SPTB: variants seen among roughly 807,000 people sequenced by gnomAD.
SPTB encodes spectrin beta, erythrocytic, also known as spectrin beta chain, erythrocytic.
Under a neutral mutation model 256.2 loss-of-function variants are expected in SPTB, and 45 were observed. That is an observed-to-expected ratio of 0.18 (90% CI 0.14 to 0.23). The LOEUF (loss-of-function observed/expected upper bound fraction) is 0.23, where lower values mean the gene tolerates loss of function less well. SPTB is among the 10% of genes least tolerant of loss of function. SPTB has a pLI of 1.00. For synonymous variants in SPTB, 1,231 were observed against 1,243.1 expected, an observed-to-expected ratio of 0.99 and a Z score of 0.21; for missense variants, 2,715 against 3,040.4, an observed-to-expected ratio of 0.89 and a Z score of 2.52.
chr14:64,749,969 G>A lies in SPTB; in HGVS notation c.6776+12C>T, dbSNP rs570507415. On this transcript the variant is annotated intron_variant, in intron 34 of 35. Transcript: ENST00000644917. The surrounding 1 kb of genome is among the most constrained non-coding windows in gnomAD (Gnocchi z 4.7). ...CATCAACCCGAGCTTTCAAAGGCCA[G>A]GAAGGCCTCACCTCAGCTTAAAGAC... 13 of 1,614,206 alleles carry A rather than the reference G, an allele frequency of 8.1e-6. No individual in the cohort carries two copies. The East Asian group carries it at 2.2e-4, about 28-fold the overall frequency.
intron 3 of SPTB, among the ~76,000 whole-genome samples, chr14:64,804,358 C>G (rs2082943483): frequency 6.6e-6 from 1 of 152,214 alleles, no homozygotes; most frequent in Non-Finnish European, 1.5e-5. Flanking sequence ...CTCAGAATAA[C>G]TTCATCAGGT....
intron 2 of SPTB, among the ~76,000 whole-genome samples, chr14:64,811,171 A>C (rs1358300937): frequency 6.6e-6 from 1 of 152,212 alleles, no homozygotes; most frequent in Admixed American, 6.5e-5. Context: ...AATGAGCAAA[A>C]ATATATCTAA....
rs761363915 is a variant in SPTB at position 64,786,916 on chromosome 14, C to T, written c.3049G>A (p.Glu1017Lys). ...TGCGAGTCCATCAGCTGCTGGGACT[C>T]ACGCTCCAGGGCATCCACACGGGCC... is the stretch of plus-strand genomic sequence containing the variant. Reference protein sequence around the residue: ...IQARVDALERESQQLMDSHPE... With the variant: ...IQARVDALERKSQQLMDSHPE... Residue 1017 changes from glutamate (E) to lysine (K), a missense_variant, in exon 16 of 36, where the codon GAG (glutamate) becomes AAG (lysine). Physicochemically the swap from Glu to Lys is moderately conservative, Grantham distance 56. This residue lies in a region of SPTB where 2,239 missense variants were observed against 2,384.4 expected (regional missense o/e 0.94). Transcript: ENST00000644917. This position sits in a 1 kb window ranked among gnomAD's most constrained non-coding sequence, Gnocchi z 5.6. 2 of 1,613,276 alleles carry T rather than the reference C, an allele frequency of 1.2e-6. No individual in the cohort carries two copies. The highest frequency in any genetic ancestry group is 1.7e-6 in the Non-Finnish European group (2 of 1,180,030).
At chr14:64,878,079 C>T (rs1227140191) in intron 1 of SPTB, among the ~76,000 whole-genome samples, 2 of 152,194 alleles carry the variant, frequency 1.3e-5, no homozygotes, top group Non-Finnish European at 2.9e-5. Flanking sequence ...TCCCAGAACT[C>T]AAGATCAATA....
chr14:64,763,636 A>G (rs1184950023), intron 32 of SPTB: 1 of 478,736 alleles, frequency 2.1e-6, no homozygotes, highest in East Asian at 5.6e-5. Flanking sequence ...TTTATCTCAA[A>G]TCACGCAGGA....
rs1481992380 is a variant in SPTB at position 64,749,932 on chromosome 14, G to A, written c.6776+49C>T. On this transcript the variant is annotated intron_variant, in intron 34 of 35. Coordinates refer to ENST00000644917, the MANE Select transcript of SPTB (RefSeq NM_001355436.2). The surrounding 1 kb of genome is among the most constrained non-coding windows in gnomAD (Gnocchi z 4.7). ...AGAGGGCCTCTGCCCTGCCACTAAT[G>A]CCAAATCAAGCCATCAACCCGAGCT... 22 of 1,612,674 alleles carry A rather than the reference G, an allele frequency of 1.4e-5. No individual in the cohort carries two copies. Among genetic ancestry groups the A allele is most frequent in the East Asian group, 2.2e-5 (1 of 44,894 alleles).
At chr14:64,828,154 C>T (rs891351159) in intron 1 of SPTB, among the ~76,000 whole-genome samples, 2 of 152,170 alleles carry the variant, frequency 1.3e-5, no homozygotes, top group Non-Finnish European at 1.5e-5. Flanking sequence ...TCATTCTGGT[C>T]GACTGCTGTT....
intron 1 of SPTB, among the ~76,000 whole-genome samples, 153 bp downstream of exon 1, chr14:64,879,639 C>G (rs1405758413): frequency 6.6e-6 from 1 of 152,148 alleles, no homozygotes; most frequent in Non-Finnish European, 1.5e-5. Flanking sequence ...CCACCCCACG[C>G]CCGACAACCG....
chr14:64,771,985 A>G (rs2139499699), intron 26 of SPTB, among the ~76,000 whole-genome samples: 1 of 152,232 alleles, frequency 6.6e-6, no homozygotes, highest in African/African-American at 2.4e-5. Context: ...GCTCTGGGGC[A>G]CCCTACGGAT....
rs1002798147 is a variant in SPTB at position 64,841,655 on chromosome 14, T to C, written c.-51-18510A>G. ...CAGACATGGAGAAGATAGGAAAGCA[T>C]TGTGGGTAACGTTCCCAGGACAGAC... On this transcript the variant is annotated intron_variant, in intron 1 of 35. Coordinates refer to ENST00000644917, the MANE Select transcript of SPTB (RefSeq NM_001355436.2). This position sits in a 1 kb window ranked among gnomAD's most constrained non-coding sequence, Gnocchi z 4.6. Among the ~76,000 whole-genome samples, 6 of 152,038 alleles carry C rather than the reference T, an allele frequency of 3.9e-5. No homozygotes were observed. The highest frequency in any genetic ancestry group is 1.9e-4 in the East Asian group (1 of 5,202).
At chr14:64,776,895 T>C (rs1348089358) in intron 22 of SPTB, among the ~76,000 whole-genome samples, 1 of 152,168 alleles carries the variant, frequency 6.6e-6, no homozygotes, top group African/African-American at 2.4e-5. Flanking sequence ...ATAGGGACAA[T>C]ATAGAAACAA....
In SPTB at chr14:64,824,100, C is replaced by T. The variant is rs1050424750; in HGVS notation, c.-51-955G>A. 1.3e-5 allele frequency among the ~76,000 whole-genome samples: 2 copies of T among 152,172 alleles called. No individual in the cohort carries two copies. Among genetic ancestry groups the T allele is most frequent in the African/African-American group, 4.8e-5 (2 of 41,436 alleles). ...GGCAAGTAAGACAGGAAAGTCATGT[C>T]CTCACAGAGCTTGGAATCTGGTGGC... On this transcript the variant is annotated intron_variant, in intron 1 of 35. Coordinates refer to ENST00000644917, the MANE Select transcript of SPTB (RefSeq NM_001355436.2). The surrounding 1 kb of genome is among the most constrained non-coding windows in gnomAD (Gnocchi z 5.7).
At chr14:64,781,996 T>C (rs1223902305) in intron 20 of SPTB, among the ~76,000 whole-genome samples, 1 of 152,202 alleles carries the variant, frequency 6.6e-6, no homozygotes, top group South Asian at 2.1e-4. Context: ...TTCTCACTTA[T>C]AAGTGGGAGC....
At chr14:64,765,838 G>T (rs566427804) in intron 32 of SPTB, among the ~76,000 whole-genome samples, 2 of 146,638 alleles carry the variant, frequency 1.4e-5, no homozygotes, top group South Asian at 4.4e-4. Flanking sequence ...GTGTGTGTGG[G>T]GGTGTGGTGT....
intron 10 of SPTB, among the ~76,000 whole-genome samples, 168 bp downstream of exon 10, chr14:64,797,561 T>TCTGA (rs2082799536): frequency 1.5e-5 from 2 of 135,004 alleles, no homozygotes; most frequent in African/African-American, 5.7e-5. Context: ...GGGAGTAGAG[T>TCTGA]CTGACCCCTC....
chr14:64,750,933 TATC>T lies in SPTB; in HGVS notation c.6603-782_6603-780del, dbSNP rs1205398420. On this transcript the variant is annotated intron_variant, in intron 33 of 35. Transcript: ENST00000644917. ...TATAAAATATGTATATTACATTATA[TATC>T]ATATACTATATAATACATATTTTAT... is the stretch of plus-strand genomic sequence containing the variant. Among the ~76,000 whole-genome samples the T allele has an allele frequency of 5.4e-3, 703 of 129,966 alleles. 5 individuals are homozygous for T. The highest frequency in any genetic ancestry group is 0.022 in the African/African-American group (672 of 31,160). The allele number at this position is 129,966 out of a possible 152,430, so 85.3% of individuals were successfully genotyped here.
At chr14:64,851,405 C>A (rs1280235975) in intron 1 of SPTB, among the ~76,000 whole-genome samples, 4 of 152,048 alleles carry the variant, frequency 2.6e-5, no homozygotes, top group Non-Finnish European at 5.9e-5. Flanking sequence ...ATGGAAAATA[C>A]CCAGAACAAT....
intron 2 of SPTB, among the ~76,000 whole-genome samples, chr14:64,813,387 G>C (rs796668440): frequency 6.6e-6 from 1 of 152,192 alleles, no homozygotes; most frequent in African/African-American, 2.4e-5. Context: ...CATGGACCAT[G>C]AGCCTTCTGA....
chr14:64,825,452 C>T lies in SPTB; in HGVS notation c.-51-2307G>A, dbSNP rs1374559598. On this transcript the variant is annotated intron_variant, in intron 1 of 35. Transcript: ENST00000644917. The surrounding 1 kb of genome is among the most constrained non-coding windows in gnomAD (Gnocchi z 4.8). ...CGATAGCCGGGAAAGATACCCCCCA[C>T]CCCCGGCCCCACACCTTTCTCTATT... Among the ~76,000 whole-genome samples, 2 of 146,192 alleles carry T rather than the reference C, an allele frequency of 1.4e-5. No homozygotes were observed. Among genetic ancestry groups the T allele is most frequent in the Admixed American group, 1.3e-4 (2 of 14,868 alleles).
Sources: gnomAD v4.1 joint callset for allele counts (sites outside exome capture counted in the v4.1 genomes callset) on GRCh38, gnomAD v4.1.1 for gene constraint, gnomAD v4.1.1 regional missense constraint, Gnocchi (gnomAD v3.1) non-coding constraint, MANE v1.5 for transcripts, NCBI Gene and HGNC (gene_info 2026-07-23, HGNC 2026-07-21) for gene names.